SORCS2: variants seen among roughly 807,000 people sequenced by gnomAD.
The protein encoded by SORCS2 is sortilin related VPS10 domain containing receptor 2.
SORCS2 carries 100 observed loss-of-function variants against 141.6 expected under a neutral mutation model. That is an observed-to-expected ratio of 0.71 (90% CI 0.60 to 0.83). The LOEUF is 0.83. Ranked by LOEUF, SORCS2 falls within the 40% of genes least tolerant of loss-of-function variation. The pLI, the probability that SORCS2 is intolerant of heterozygous loss-of-function variation, is 0.00. For missense variants in SORCS2, 1,646 were observed against 1,560.2 expected (o/e 1.05, Z -0.93); for synonymous variants, 789 against 676.9 (o/e 1.17, Z -2.57).
chr4:7,641,603 T>A (rs1052470751), intron 4 of SORCS2, among the ~76,000 whole-genome samples: 1 of 152,190 alleles, frequency 6.6e-6, no homozygotes, highest in Non-Finnish European at 1.5e-5. Context: ...TGGGGTAAGC[T>A]CTTTGAGGGC....
In SORCS2 at chr4:7,437,034, C is replaced by T. The variant is rs533079462; in HGVS notation, c.548+40679C>T. Among the ~76,000 whole-genome samples, 13 of 152,298 alleles carry T rather than the reference C, an allele frequency of 8.5e-5. No homozygotes were observed. In the South Asian group the frequency reaches 2.5e-3, roughly 29 times the overall value. The stretch of plus-strand genomic sequence containing the variant: ...TTTCGGGGACTGGGGTGTTTTCCAA[C>T]ACCAACGACCGATTCTTACAGACGC... On this transcript the variant is annotated intron_variant, in intron 2 of 26. Transcript: ENST00000507866.
chr4:7,269,982 C>A (rs544166708), intron 1 of SORCS2, among the ~76,000 whole-genome samples: 3 of 152,194 alleles, frequency 2.0e-5, no homozygotes, highest in African/African-American at 7.2e-5. Flanking sequence ...TGGGGTCAAG[C>A]GATTTTCCTG....
chr4:7,594,769 C>G lies in SORCS2; in HGVS notation c.649-43559C>G, dbSNP rs1020534171. Among the ~76,000 whole-genome samples the G allele has an allele frequency of 2.0e-5, 3 of 152,244 alleles. No individual in the cohort carries two copies. The South Asian group carries it at 6.2e-4, about 32-fold the overall frequency. ...CATCTGGGTCTGGACCACGCTTCCA[C>G]CGCTGTTCAATGCTCATCCACGATG... On this transcript the variant is annotated intron_variant, in intron 3 of 26. Coordinates refer to ENST00000507866, the MANE Select transcript of SORCS2 (RefSeq NM_020777.3).
At chr4:7,676,816 T>C (rs1262852584) in intron 9 of SORCS2, among the ~76,000 whole-genome samples, 1 of 106,844 alleles carries the variant, frequency 9.4e-6, no homozygotes, top group East Asian at 3.3e-4. Flanking sequence ...TCTCTCTCTC[T>C]CTCTCTCTCT....
chr4:7,537,578 A>C (rs560546492), intron 3 of SORCS2, among the ~76,000 whole-genome samples: 1 of 152,314 alleles, frequency 6.6e-6, no homozygotes, highest in Non-Finnish European at 1.5e-5. Flanking sequence ...TTATGTACCT[A>C]CTATGCACTG....
chr4:7,435,251 AC>A (rs1420418751), intron 2 of SORCS2, among the ~76,000 whole-genome samples: 3 of 151,486 alleles, frequency 2.0e-5, no homozygotes, highest in Non-Finnish European at 4.4e-5. Flanking sequence ...TCCTCTCCTG[AC>A]TTGTGTGGCC....
intron 1 of SORCS2, among the ~76,000 whole-genome samples, chr4:7,316,761 T>G (rs1321078527): frequency 2.6e-5 from 4 of 152,180 alleles, no homozygotes; most frequent in Non-Finnish European, 5.9e-5. Context: ...TCGCAGCCAT[T>G]CTGAATGTGT....
intron 2 of SORCS2, among the ~76,000 whole-genome samples, chr4:7,453,158 T>A (rs1448975394): frequency 1.1e-5 from 1 of 87,676 alleles, no homozygotes; most frequent in South Asian, 4.6e-4. Context: ...TGGGGTCAGG[T>A]GCTGTGTTGG....
rs943843884 is a variant in SORCS2, at chr4:7,464,732, G to T, written c.549-66798G>T. 3.9e-5 allele frequency among the ~76,000 whole-genome samples: 6 copies of T among 152,294 alleles called. No individual in the cohort carries two copies. In the East Asian group the frequency reaches 9.6e-4, roughly 24 times the overall value. On this transcript the variant is annotated intron_variant, in intron 2 of 26. Coordinates refer to ENST00000507866, the MANE Select transcript of SORCS2 (RefSeq NM_020777.3). ...ATCAATGACAAATAAAAAACAGAAA[G>T]CTCACCTTGAATTTCCTCCATAGTC...
chr4:7,501,717 G>A (rs1731988931), intron 2 of SORCS2, among the ~76,000 whole-genome samples: 1 of 152,194 alleles, frequency 6.6e-6, no homozygotes, highest in African/African-American at 2.4e-5. Flanking sequence ...GAATCGGCAG[G>A]TGTATTTTTC....
rs1733640357 is a variant in SORCS2 at position 7,525,808 on chromosome 4, T to G, written c.549-5722T>G. ...TCACCTGTCCCCTCCTCATACCTGTTCCCTGCAGTCACCTGTCCCCTCAGT... is the reference window on the plus strand; with the variant it reads ...TCACCTGTCCCCTCCTCATACCTGTGCCCTGCAGTCACCTGTCCCCTCAGT... On this transcript the variant is annotated intron_variant, in intron 2 of 26. Transcript: ENST00000507866. Among the ~76,000 whole-genome samples the G allele has an allele frequency of 2.1e-5, 2 of 96,700 alleles. 1 individual carries two copies. The highest frequency in any genetic ancestry group is 2.3e-4 in the Admixed American group (2 of 8,524). 63.4% of individuals were successfully genotyped at this position (96,700 alleles called of 152,430 possible).
intron 10 of SORCS2, among the ~76,000 whole-genome samples, chr4:7,683,292 ACCTTG>A (rs1723655050): frequency 6.7e-6 from 1 of 150,320 alleles, no homozygotes; most frequent in Admixed American, 6.6e-5. Context: ...GGCTCTGCTG[ACCTTG>A]GCTGGGCTCA....
chr4:7,418,376 G>A (rs1189499430), intron 2 of SORCS2, among the ~76,000 whole-genome samples: 1 of 152,182 alleles, frequency 6.6e-6, no homozygotes, highest in Non-Finnish European at 1.5e-5. Context: ...CTGGCCTGGG[G>A]GAAGTGCTCT....
intron 1 of SORCS2, among the ~76,000 whole-genome samples, chr4:7,219,636 G>C (rs1382802474): frequency 6.6e-6 from 1 of 152,220 alleles, no homozygotes; most frequent in African/African-American, 2.4e-5. Context: ...AAAACCATCA[G>C]ATCTCGTGAG....
intron 2 of SORCS2, among the ~76,000 whole-genome samples, chr4:7,527,263 G>A (rs374314600): frequency 3.7e-4 from 57 of 152,322 alleles, no homozygotes; most frequent in African/African-American, 1.2e-3. Context: ...CCTAATCCCC[G>A]GAAACTGTGA....
intron 1 of SORCS2, among the ~76,000 whole-genome samples, chr4:7,325,399 T>TAATG (rs199709302): frequency 6.6e-5 from 10 of 151,846 alleles, no homozygotes; most frequent in South Asian, 4.2e-4. Context: ...CCCTAGGAAA[T>TAATG]AATGAATGAA....
At chr4:7,550,332 C>T (rs1713603003) in intron 3 of SORCS2, among the ~76,000 whole-genome samples, 1 of 152,128 alleles carries the variant, frequency 6.6e-6, no homozygotes, top group Non-Finnish European at 1.5e-5. Flanking sequence ...TTTGCTCCCG[C>T]TGGGGGCCAT....
chr4:7,712,175 T>G (rs1725863860), intron 14 of SORCS2, among the ~76,000 whole-genome samples: 1 of 152,244 alleles, frequency 6.6e-6, no homozygotes, highest in South Asian at 2.1e-4. Flanking sequence ...CTGTGGGCTC[T>G]GCGCTGAGCC....
Position 7,373,478 on chromosome 4 carries a change from A to AATTTTTTTTTTT in SORCS2, c.481-22810_481-22809insATTTTTTTTTTT, listed in dbSNP as rs1722401599. The stretch of plus-strand genomic sequence containing the variant: ...AACTTTTATATATATATATATATAT[A>AATTTTTTTTTTT]TTTTTTTTTTTTTTTTTTTTTTTTT... On this transcript the variant is annotated intron_variant, in intron 1 of 26. Transcript: ENST00000507866. 2.2e-4 allele frequency among the ~76,000 whole-genome samples: 8 copies of AATTTTTTTTTTT among 36,818 alleles called. 1 individual carries two copies. The highest frequency in any genetic ancestry group is 4.8e-4 in the African/African-American group (3 of 6,272). The allele number at this position is 36,818 out of a possible 152,430, so 24.2% of individuals were successfully genotyped here. A position where few individuals can be genotyped will look rare whatever the true frequency, so the allele number is the denominator to read the frequency against.
Sources: allele counts gnomAD v4.1 joint callset (sites outside exome capture counted in the v4.1 genomes callset), GRCh38; gene constraint gnomAD v4.1.1; transcripts MANE v1.5; gene names NCBI Gene and HGNC (gene_info 2026-07-23, HGNC 2026-07-21).